TNNT3: variants seen among roughly 807,000 people sequenced by gnomAD.
TNNT3 encodes the protein troponin T, fast skeletal muscle.
Under a neutral mutation model 54.2 loss-of-function variants are expected in TNNT3, and 36 were observed. The observed-to-expected ratio is 0.66, with a 90% CI of 0.51 to 0.88. The LOEUF is 0.88. TNNT3 is among the 40% of genes least tolerant of loss of function. The pLI is 0.00. For synonymous variants in TNNT3, 120 were observed against 109.7 expected (o/e 1.09, Z -0.59); for missense variants, 291 against 331.6 (o/e 0.88, Z 0.95).
chr11:1,937,104 G>A, intron 15 of TNNT3, 101 bp downstream of exon 15: 1 of 1,322,560 alleles, frequency 7.6e-7, no homozygotes, highest in Admixed American at 2.0e-5. Flanking sequence ...GCTGGCCTCG[G>A]CAGGGCAGTA....
chr11:1,928,940 T>G, intron 6 of TNNT3, 180 bp from the exon 7 acceptor site: 25 of 576,712 alleles, frequency 4.3e-5, no homozygotes, highest in Non-Finnish European at 5.2e-5. Context: ...TCCCCAGGCA[T>G]TGATTCACCG....
At chr11:1,921,168 C>A (rs1850020575) in intron 1 of TNNT3, among the ~76,000 whole-genome samples, 1 of 152,204 alleles carries the variant, frequency 6.6e-6, no homozygotes, top group African/African-American at 2.4e-5. Context: ...GGTTTCTGGG[C>A]AGAAACGTCT....
intron 9 of TNNT3, 63 bp downstream of exon 9, chr11:1,932,577 T>C (rs1464864606): frequency 6.4e-7 from 1 of 1,559,982 alleles, no homozygotes; most frequent in East Asian, 2.2e-5. Context: ...TTTTGGGCTC[T>C]AGGCCTCAGA....
intron 1 of TNNT3, 138 bp downstream of exon 1, chr11:1,919,900 C>G (rs528156019): frequency 6.6e-6 from 1 of 152,416 alleles, no homozygotes; most frequent in East Asian, 1.9e-4. Flanking sequence ...CCGAGCATCT[C>G]GAAGCATCAT....
chr11:1,925,322 T>C, intron 5 of TNNT3: 1 of 1,486,342 alleles, frequency 6.7e-7, no homozygotes, highest in Non-Finnish European at 9.2e-7. Context: ...GCCCGGGGCC[T>C]GGCTGGAGCC....
chr11:1,929,320 G>T (rs1278223324), intron 7 of TNNT3, among the ~76,000 whole-genome samples, 177 bp downstream of exon 7: 1 of 152,224 alleles, frequency 6.6e-6, no homozygotes, highest in Non-Finnish European at 1.5e-5. Context: ...GGTGCCGCTG[G>T]GGTCGAGCTG....
At chr11:1,922,953 T>C (rs1253046971) in intron 2 of TNNT3, 62 bp downstream of exon 2, 2 of 1,613,466 alleles carry the variant, frequency 1.2e-6, no homozygotes, top group African/African-American at 2.7e-5. Flanking sequence ...TTGGCTTCTG[T>C]GGGGCTGGAG....
intron 1 of TNNT3, 96 bp from the exon 2 acceptor site, chr11:1,922,761 G>C (rs149146986): frequency 7.9e-7 from 1 of 1,269,042 alleles, no homozygotes; most frequent in African/African-American, 1.5e-5. Flanking sequence ...CCCCCACAGC[G>C]CTGCTCCAAG....
chr11:1,925,090 G>C lies in TNNT3; in HGVS notation c.50-9G>C, dbSNP rs776049768. On this transcript the variant is annotated splice_polypyrimidine_tract_variant and intron_variant, in intron 4 of 15. Coordinates refer to ENST00000278317, the MANE Select transcript of TNNT3 (RefSeq NM_006757.4). The stretch of plus-strand genomic sequence containing the variant: ...GCCTTCTCCTGCTCCTGGCTTCTCC[G>C]GCTCTCAGAGGAAGCCCAGGAGGAA... The C allele has an allele frequency of 6.2e-6, 10 of 1,612,376 alleles. No homozygotes were observed. The East Asian group carries it at 1.8e-4, about 29-fold the overall frequency.
chr11:1,929,665 G>T (rs978900794), intron 7 of TNNT3, 145 bp from the exon 8 acceptor site: 7 of 884,476 alleles, frequency 7.9e-6, no homozygotes, highest in African/African-American at 6.6e-5. Flanking sequence ...GTTTCTGGGG[G>T]TTGGGGGTAC....
intron 5 of TNNT3, chr11:1,926,486 G>C: frequency 6.2e-7 from 1 of 1,613,180 alleles, no homozygotes. Context: ...AACCAGGTAC[G>C]TGCATGACTT....
At chr11:1,923,434 C>T (rs935049261) in intron 3 of TNNT3, 121 bp from the exon 4 acceptor site, 6 of 1,105,982 alleles carry the variant, frequency 5.4e-6, no homozygotes, top group African/African-American at 3.1e-5. Flanking sequence ...ATTCCACGCT[C>T]TTGGGCAGGG....
In TNNT3 at chr11:1,931,736, T is replaced by TC. The variant is rs71025792; in HGVS notation, c.126-732dup. Among the ~76,000 whole-genome samples, 120 of 150,430 alleles carry TC rather than the reference T, an allele frequency of 8.0e-4. 1 individual carries two copies. Among genetic ancestry groups the TC allele is most frequent in the Non-Finnish European group, 1.6e-3 (106 of 67,706 alleles). ...CCATTTTCCGTTTTTTTTTTTTTTTTCACATACATACGTTTTTCATTTGCG... is the reference window on the plus strand; with the variant it reads ...CCATTTTCCGTTTTTTTTTTTTTTTTCCACATACATACGTTTTTCATTTGCG... On this transcript the variant is annotated intron_variant, in intron 8 of 15. Coordinates refer to ENST00000278317, the MANE Select transcript of TNNT3 (RefSeq NM_006757.4).
rs375848299 is a variant in TNNT3, at chr11:1,934,629, C to T, written c.564C>T (p.Ile188=). Residue 188 remains isoleucine (I), a synonymous_variant, in exon 13 of 16, where the codon ATC becomes ATT. Coordinates refer to ENST00000278317, the MANE Select transcript of TNNT3 (RefSeq NM_006757.4). ...ILAERRKPLN[I]DHLGEDKLRD... is the part of the protein sequence containing the mutation. ...CTGAGAGACGCAAGCCGCTCAACAT[C>T]GATCACCTTGGTGAAGACAAACTGA... 1.6e-5 allele frequency: 26 copies of T among 1,609,144 alleles called. No homozygotes were observed. Among genetic ancestry groups the T allele is most frequent in the South Asian group, 2.2e-5 (2 of 90,664 alleles).
intron 4 of TNNT3, among the ~76,000 whole-genome samples, chr11:1,924,708 G>A (rs979475515): frequency 6.6e-6 from 1 of 152,174 alleles, no homozygotes; most frequent in Non-Finnish European, 1.5e-5. Context: ...CAGAGCCGGG[G>A]CTTCCCGCAG....
chr11:1,923,545 C>A lies in TNNT3; in HGVS notation c.32-10C>A. 6.2e-7 allele frequency: 1 copy of A among 1,614,032 alleles called. No homozygotes were observed. The highest frequency in any genetic ancestry group is 8.5e-7 in the Non-Finnish European group (1 of 1,179,968). On this transcript the variant is annotated splice_polypyrimidine_tract_variant and intron_variant, in intron 3 of 15. Transcript: ENST00000278317. Reference sequence around the variant, plus strand: ...AACGTGGTTCCCCTCTTTGTTCTGTCCCAATGCAGAGCAGTACGAAGAAGA... The same window carrying A: ...AACGTGGTTCCCCTCTTTGTTCTGTACCAATGCAGAGCAGTACGAAGAAGA...
rs1483995222 is a variant in TNNT3 at position 1,934,591 on chromosome 11, A to G, written c.526A>G (p.Lys176Glu). 6.2e-7 allele frequency: 1 copy of G among 1,610,030 alleles called. No homozygotes were observed. Among genetic ancestry groups the G allele is most frequent in the Non-Finnish European group, 8.5e-7 (1 of 1,178,686 alleles). The change falls in exon 13 of 16, where the codon AAG becomes GAG. Residue 176 changes from lysine to glutamate, a missense_variant. By Grantham distance (56) the Lys-to-Glu change is moderately conservative. Coordinates refer to ENST00000278317, the MANE Select transcript of TNNT3 (RefSeq NM_006757.4). The stretch of plus-strand genomic sequence containing the variant: ...GAAGCAGACAGCCCGGGAAATGAAG[A>G]AGAAGATTCTGGCTGAGAGACGCAA... ...GKKQTAREMK[K>E]KILAERRKPL...
chr11:1,935,165 C>T (rs888202334), intron 14 of TNNT3: 22 of 586,094 alleles, frequency 3.8e-5, no homozygotes, highest in Middle Eastern at 4.5e-4. Context: ...CCCCTTTGGG[C>T]GGCCTTGGTT....
chr11:1,925,297 T>A (rs1338844897), intron 5 of TNNT3, 181 bp downstream of exon 5: 1 of 1,590,800 alleles, frequency 6.3e-7, no homozygotes, highest in Non-Finnish European at 8.6e-7. Context: ...ACAGGACTTC[T>A]TGTCCCCATG....
Sources: gnomAD v4.1 joint callset for allele counts (sites outside exome capture counted in the v4.1 genomes callset) on GRCh38, gnomAD v4.1.1 for gene constraint, MANE v1.5 for transcripts, NCBI Gene and HGNC (gene_info 2026-07-23, HGNC 2026-07-21) for gene names.